KIAA0232: variants seen among roughly 807,000 people sequenced by gnomAD.
KIAA0232 encodes the protein KIAA0232, also known as uncharacterized protein KIAA0232.
In KIAA0232, 27 loss-of-function variants were observed where a neutral mutation model predicts 122.0. The ratio of observed to expected loss-of-function variants is 0.22; its 90% confidence interval spans 0.16 to 0.31. The LOEUF (loss-of-function observed/expected upper bound fraction) is 0.31. Among genes scored for constraint, KIAA0232 ranks in the 10% least tolerant of loss-of-function variants. The probability of loss-of-function intolerance (pLI) is 1.00; values close to 1 mark genes in which losing one functional copy is unlikely to be tolerated. For missense variants in KIAA0232, 1,551 were observed against 1,634.2 expected, an observed-to-expected ratio of 0.95 and a Z score of 0.88; for synonymous variants, 613 against 587.6, an observed-to-expected ratio of 1.04 and a Z score of -0.63.
intron 4 of KIAA0232, among the ~76,000 whole-genome samples, chr4:6,844,182 C>T (rs753869786): frequency 6.6e-5 from 10 of 151,742 alleles, no homozygotes; most frequent in South Asian, 4.2e-4. Context: ...CCTCGTGATC[C>T]GTCTGCCTCA....
chr4:6,795,519 T>C (rs1039164133), intron 1 of KIAA0232, among the ~76,000 whole-genome samples: 1 of 152,196 alleles, frequency 6.6e-6, no homozygotes, highest in African/African-American at 2.4e-5. Flanking sequence ...AGTGATATTA[T>C]TTTGGATATA....
At chr4:6,797,884 C>T (rs901556123) in intron 1 of KIAA0232, among the ~76,000 whole-genome samples, 2 of 151,752 alleles carry the variant, frequency 1.3e-5, no homozygotes, top group Non-Finnish European at 2.9e-5. Flanking sequence ...ACGGTGAAAC[C>T]CCATCTCTAC....
chr4:6,853,442 A>G (rs185104220), intron 4 of KIAA0232, among the ~76,000 whole-genome samples: 19 of 152,328 alleles, frequency 1.2e-4, no homozygotes, highest in Middle Eastern at 6.8e-3. Flanking sequence ...TTCCAGATGT[A>G]GAAACTGAGG....
intron 8 of KIAA0232, among the ~76,000 whole-genome samples, chr4:6,875,455 T>G (rs1428470871): frequency 6.6e-6 from 1 of 152,260 alleles, no homozygotes; most frequent in Non-Finnish European, 1.5e-5. Flanking sequence ...TTGGAGTTCT[T>G]GGAGCCGTCA....
chr4:6,799,798 G>A (rs1030892968), intron 1 of KIAA0232, among the ~76,000 whole-genome samples: 1 of 151,874 alleles, frequency 6.6e-6, no homozygotes, highest in Non-Finnish European at 1.5e-5. Context: ...GGGTTCAAGC[G>A]ATTCTCCTGC....
At chr4:6,867,783 T>C (rs1226152045) in intron 7 of KIAA0232, among the ~76,000 whole-genome samples, 1 of 152,186 alleles carries the variant, frequency 6.6e-6, no homozygotes, top group African/African-American at 2.4e-5. Context: ...CATGTAGACC[T>C]CATGCGGTAG....
At chr4:6,818,830 T>C (rs561749958) in intron 2 of KIAA0232, among the ~76,000 whole-genome samples, 8 of 152,150 alleles carry the variant, frequency 5.3e-5, no homozygotes, top group South Asian at 2.1e-4. Context: ...CAAACTATAC[T>C]GTAAGGCTAC....
chr4:6,792,290 A>G (rs1716931152), intron 1 of KIAA0232, among the ~76,000 whole-genome samples: 1 of 152,146 alleles, frequency 6.6e-6, no homozygotes, highest in African/African-American at 2.4e-5. Context: ...AAGAGTTTCC[A>G]GGTTTTTGTT....
chr4:6,838,548 A>C (rs1322503863), intron 3 of KIAA0232, among the ~76,000 whole-genome samples: 1 of 152,086 alleles, frequency 6.6e-6, no homozygotes, highest in Non-Finnish European at 1.5e-5. Context: ...TCTAGGTCTG[A>C]CTGTTACCTG....
intron 6 of KIAA0232, among the ~76,000 whole-genome samples, chr4:6,859,865 A>G (rs1340227299): frequency 6.6e-6 from 1 of 152,152 alleles, no homozygotes; most frequent in Non-Finnish European, 1.5e-5. Flanking sequence ...TAGCAAATCA[A>G]AAATACTTTC....
Position 6,824,628 on chromosome 4 carries a change from C to G in KIAA0232, c.175C>G (p.Arg59Gly). The change falls in exon 3 of 10, where the codon CGG becomes GGG. Residue 59 changes from arginine to glycine, a missense_variant. Coordinates refer to ENST00000307659, the MANE Select transcript of KIAA0232 (RefSeq NM_014743.3). Reference protein sequence around the residue: ...KCGIDAMIYTRYVLSLLLHDS... With the variant: ...KCGIDAMIYTGYVLSLLLHDS... Reference sequence around the variant, plus strand: ...TGGCATTGATGCCATGATTTACACTCGGTATGTCCTCAGTCTTCTGCTGCA... The same window carrying G: ...TGGCATTGATGCCATGATTTACACTGGGTATGTCCTCAGTCTTCTGCTGCA... 6.2e-7 allele frequency: 1 copy of G among 1,614,194 alleles called. No individual in the cohort carries two copies.
chr4:6,880,195 C>G (rs4996397), intron 9 of KIAA0232, among the ~76,000 whole-genome samples: 35 of 67,738 alleles, frequency 5.2e-4, no homozygotes, highest in African/African-American at 2.1e-3. Context: ...CTGCAGTGTC[C>G]CCTCACCATC....
At chr4:6,783,194 C>G (rs902031390) in intron 1 of KIAA0232, among the ~76,000 whole-genome samples, 36 of 152,096 alleles carry the variant, frequency 2.4e-4, no homozygotes, top group African/African-American at 8.4e-4. Flanking sequence ...CCGGGGCCAG[C>G]CGAGGGAGGC....
intron 9 of KIAA0232, among the ~76,000 whole-genome samples, chr4:6,878,379 T>TCATTCATACATA (rs1553847005): frequency 6.0e-5 from 9 of 149,318 alleles, no homozygotes; most frequent in South Asian, 2.1e-4. Context: ...CATCATTCAT[T>TCATTCATACATA]CATACATACA....
chr4:6,876,519 C>A, intron 8 of KIAA0232, 141 bp from the exon 9 acceptor site: 1 of 594,568 alleles, frequency 1.7e-6, no homozygotes, highest in Admixed American at 2.9e-5. Flanking sequence ...TTAGTGACGA[C>A]TTAAAACCTC....
At chr4:6,842,710 G>T (rs4320138) in intron 4 of KIAA0232, among the ~76,000 whole-genome samples, 152,090 of 152,110 alleles carry the variant, frequency 1, 76,035 homozygotes, top group Middle Eastern at 1. Context: ...CTCAGCCTCC[G>T]GAGTAGCCAG....
At chr4:6,877,110 T>A (rs1721797662) in intron 9 of KIAA0232, among the ~76,000 whole-genome samples, 1 of 152,074 alleles carries the variant, frequency 6.6e-6, no homozygotes, top group Non-Finnish European at 1.5e-5. Context: ...GTTTACCTAA[T>A]AAGTGGGAGA....
chr4:6,840,198 G>A (rs1316234977), intron 3 of KIAA0232, among the ~76,000 whole-genome samples: 1 of 152,090 alleles, frequency 6.6e-6, no homozygotes, highest in African/African-American at 2.4e-5. Context: ...CTCCTTGTAG[G>A]GTAAAGGGTG....
At chr4:6,843,796 G>A (rs1271885371) in intron 4 of KIAA0232, among the ~76,000 whole-genome samples, 2 of 151,892 alleles carry the variant, frequency 1.3e-5, no homozygotes, top group African/African-American at 2.4e-5. Context: ...AATTGTCTCT[G>A]AAAGCCTGAC....
Sources: allele counts gnomAD v4.1 joint callset (sites outside exome capture counted in the v4.1 genomes callset), GRCh38; gene constraint gnomAD v4.1.1; transcripts MANE v1.5; gene names NCBI Gene and HGNC (gene_info 2026-07-23, HGNC 2026-07-21).